The following RXFP1 variants were observed in gnomAD, a reference collection of about 807,000 sequenced individuals.
The protein encoded by RXFP1 is relaxin receptor 1.
RXFP1 carries 73 observed loss-of-function variants against 89.8 expected under a neutral mutation model. That is an observed-to-expected ratio of 0.81 (90% CI 0.67 to 0.99). RXFP1 has a LOEUF of 0.99. Ranked by LOEUF, RXFP1 falls within the 50% of genes least tolerant of loss-of-function variation. The pLI, the probability that RXFP1 is intolerant of heterozygous loss-of-function variation, is 0.00. For synonymous variants in RXFP1, 277 were observed against 305.5 expected (o/e 0.91, Z 0.97); for missense variants, 793 against 895.5 (o/e 0.89, Z 1.46).
intron 1 of RXFP1, among the ~76,000 whole-genome samples, chr4:158,542,453 C>G (rs565231699): frequency 3.3e-5 from 5 of 152,166 alleles, no homozygotes; most frequent in Non-Finnish European, 7.4e-5. Context: ...AAGACTGTTA[C>G]AAAACTTACC....
chr4:158,627,504 G>GGTGTGTGTGTGTGTGT (rs35872724), intron 10 of RXFP1, among the ~76,000 whole-genome samples: 11 of 143,448 alleles, frequency 7.7e-5, no homozygotes, highest in African/African-American at 2.8e-4. Flanking sequence ...TGAGCCTTAG[G>GGTGTGTGTGTGTGTGT]GTGTGTGTGT....
At chr4:158,575,684 C>T (rs1258209940) in intron 2 of RXFP1, among the ~76,000 whole-genome samples, 3 of 152,154 alleles carry the variant, frequency 2.0e-5, no homozygotes. Flanking sequence ...ATGACTCCAC[C>T]AGCACCTTGA....
At position 158,572,851 on chromosome 4, in the gene RXFP1, G is replaced by A; in HGVS notation, c.187+16G>A. 4 of 1,613,714 alleles carry A rather than the reference G, an allele frequency of 2.5e-6. No individual in the cohort carries two copies. The highest frequency in any genetic ancestry group is 3.4e-6 in the Non-Finnish European group (4 of 1,179,756). On this transcript the variant is annotated intron_variant, in intron 2 of 17. Transcript: ENST00000307765. ...GACAACTGTGGTGAGTGAAGCCCCT[G>A]CAGTCACGGTGAGAGAAAGGAGCAG...
Position 158,542,109 on chromosome 4 carries a change from A to ATATATATATATATATATTTT in RXFP1, c.49+20085_49+20086insATATATATATATATATTTTT. ...TATATATATATATATATATATATAT[A>ATATATATATATATATATTTT]TTTTTTTTTTAGTAGAGACAGGGTT... On this transcript the variant is annotated intron_variant, in intron 1 of 17. Transcript: ENST00000307765. Among the ~76,000 whole-genome samples, 65 of 35,164 alleles carry ATATATATATATATATATTTT rather than the reference A, an allele frequency of 1.8e-3. 3 individuals are homozygous for ATATATATATATATATATTTT. The highest frequency in any genetic ancestry group is 3.7e-3 in the East Asian group (3 of 808). 23.1% of individuals were successfully genotyped at this position (35,164 alleles called of 152,430 possible).
In RXFP1 at chr4:158,652,345, G is replaced by T. The variant is rs990770823; in HGVS notation, c.*290G>T. 3 of 267,414 alleles carry T rather than the reference G, an allele frequency of 1.1e-5. No homozygotes were observed. In the Admixed American group the frequency reaches 1.5e-4, roughly 13 times the overall value. 16.6% of individuals were successfully genotyped at this position (267,414 alleles called of 1,614,324 possible). On this transcript the variant is annotated 3_prime_UTR_variant, in exon 18 of 18. Transcript: ENST00000307765. ...ATTTATTGAGTACCCACTACTATGT[G>T]CATAGCATTGCAATATAGTCCTGGA...
intron 1 of RXFP1, among the ~76,000 whole-genome samples, chr4:158,556,767 T>C (rs1302825790): frequency 6.6e-6 from 1 of 152,220 alleles, no homozygotes; most frequent in Non-Finnish European, 1.5e-5. Flanking sequence ...AATTAAATCT[T>C]ATCATTTGTG....
At chr4:158,538,156 G>A (rs914997627) in intron 1 of RXFP1, among the ~76,000 whole-genome samples, 7 of 152,218 alleles carry the variant, frequency 4.6e-5, no homozygotes, top group African/African-American at 2.4e-5. Flanking sequence ...AAAAGGTAAA[G>A]GTTAAAAGTT....
chr4:158,591,525 G>A (rs1759465682), intron 2 of RXFP1, among the ~76,000 whole-genome samples: 1 of 148,012 alleles, frequency 6.8e-6, no homozygotes, highest in Non-Finnish European at 1.5e-5. Flanking sequence ...AAAGCAGGTA[G>A]ATCACCTCAC....
In RXFP1 at chr4:158,606,011, T is replaced by G. The variant is rs190955927; in HGVS notation, c.464+872T>G. Among the ~76,000 whole-genome samples the G allele has an allele frequency of 5.3e-5, 8 of 152,344 alleles. No homozygotes were observed. The East Asian group carries it at 1.3e-3, about 26-fold the overall frequency. ...CAGTGAAATGTTCTAAAAACCCAGA[T>G]AGTCTGCAGAAGTATCTATTTCATA... On this transcript the variant is annotated intron_variant, in intron 5 of 17. Coordinates refer to ENST00000307765, the MANE Select transcript of RXFP1 (RefSeq NM_021634.4).
At chr4:158,528,607 T>C (rs929646476) in intron 1 of RXFP1, among the ~76,000 whole-genome samples, 7 of 152,152 alleles carry the variant, frequency 4.6e-5, no homozygotes, top group African/African-American at 1.7e-4. Flanking sequence ...CCCCAGACAA[T>C]AGAGTCATCT....
At position 158,648,607 on chromosome 4, in the gene RXFP1, A is replaced by G; in HGVS notation, c.1865A>G (p.Lys622Arg). The change falls in exon 17 of 18, where the codon AAA becomes AGA. Residue 622 changes from lysine (K) to arginine (R), a missense_variant. Lys to Arg is a conservative substitution (Grantham distance 26, BLOSUM62 2). Transcript: ENST00000307765. ...TATEIRNQVKKEMILAKRFFF... is the reference protein window; with the variant it reads ...TATEIRNQVKREMILAKRFFF... ...ACTGAAATACGGAATCAAGTTAAAA[A>G]AGAGATGATCCTTGCCAAACGTTTT... 6.2e-7 allele frequency: 1 copy of G among 1,613,322 alleles called. No individual in the cohort carries two copies.
chr4:158,622,345 A>G (rs747856758), intron 9 of RXFP1, among the ~76,000 whole-genome samples: 35 of 152,120 alleles, frequency 2.3e-4, no homozygotes, highest in Admixed American at 5.9e-4. Flanking sequence ...GAACTACCAT[A>G]TGATCCAGCA....
intron 15 of RXFP1, among the ~76,000 whole-genome samples, chr4:158,645,874 T>A (rs1221669545): frequency 6.6e-6 from 1 of 152,186 alleles, no homozygotes; most frequent in Non-Finnish European, 1.5e-5. Flanking sequence ...GTTTTTTTTT[T>A]ATTGCAAGCT....
chr4:158,602,921 G>T (rs1437825123), intron 4 of RXFP1, among the ~76,000 whole-genome samples: 1 of 152,082 alleles, frequency 6.6e-6, no homozygotes, highest in African/African-American at 2.4e-5. Context: ...TCAAACTCAG[G>T]TTTTTTTGTT....
At chr4:158,648,820 T>A in intron 17 of RXFP1, 103 bp downstream of exon 17, 1 of 753,616 alleles carries the variant, frequency 1.3e-6, no homozygotes, top group African/African-American at 1.8e-5. Flanking sequence ...ATTCAAAGAA[T>A]TGTACATCAG....
At chr4:158,564,572 A>C (rs558919321) in intron 1 of RXFP1, among the ~76,000 whole-genome samples, 46 of 152,280 alleles carry the variant, frequency 3.0e-4, no homozygotes, top group Non-Finnish European at 5.3e-4. Flanking sequence ...ATTTGTACTG[A>C]AATATAAACT....
chr4:158,627,507 GTGTGTGTGT>G (rs1561161784), intron 10 of RXFP1, among the ~76,000 whole-genome samples: 5 of 3,902 alleles, frequency 1.3e-3, no homozygotes, highest in Admixed American at 4.3e-3. Context: ...GCCTTAGGGT[GTGTGTGTGT>G]GTGTGTGTGT....
At chr4:158,538,760 C>T (rs4690906) in intron 1 of RXFP1, among the ~76,000 whole-genome samples, 60,664 of 149,494 alleles carry the variant, frequency 0.41, 15,029 homozygotes, top group East Asian at 0.84. Context: ...GCTGAGATCG[C>T]GCCATTGCAC....
chr4:158,591,760 T>C (rs1285846317), intron 2 of RXFP1, among the ~76,000 whole-genome samples: 1 of 152,082 alleles, frequency 6.6e-6, no homozygotes, highest in Non-Finnish European at 1.5e-5. Flanking sequence ...AAAAACTTTT[T>C]TAATTTTAAA....
Sources: gnomAD v4.1 joint callset for allele counts (sites outside exome capture counted in the v4.1 genomes callset) on GRCh38, gnomAD v4.1.1 for gene constraint, MANE v1.5 for transcripts, NCBI Gene and HGNC (gene_info 2026-07-23, HGNC 2026-07-21) for gene names.